Variants in EPSTI1 observed in about 807,000 individuals in gnomAD.
The protein encoded by EPSTI1 is epithelial stromal interaction 1, also known as epithelial-stromal interaction protein 1.
EPSTI1 carries 66 observed loss-of-function variants against 49.9 expected under a neutral mutation model. That is an observed-to-expected ratio of 1.32 (90% CI 1.08 to 1.62). The LOEUF (loss-of-function observed/expected upper bound fraction) is 1.62. Ranked by LOEUF, EPSTI1 falls within the 40% of genes most tolerant of loss-of-function variation. The pLI, the probability that EPSTI1 is intolerant of heterozygous loss-of-function variation, is 0.00. For synonymous variants in EPSTI1, 137 were observed against 130.7 expected, an observed-to-expected ratio of 1.05 and a Z score of -0.33; for missense variants, 394 against 365.5, an observed-to-expected ratio of 1.08 and a Z score of -0.64.
chr13:42,982,331 G>C (rs1453214216), intron 1 of EPSTI1, among the ~76,000 whole-genome samples: 1 of 152,132 alleles, frequency 6.6e-6, no homozygotes, highest in Non-Finnish European at 1.5e-5. Context: ...TCTAAAGAGG[G>C]GAAGCATGAA....
Position 42,926,419 on chromosome 13 carries a change from C to G in EPSTI1, c.574G>C (p.Glu192Gln), listed in dbSNP as rs2038180260. ...TCTGTGTTCAGTTTGCTCAAGAACT[C>G]AGCGGTTTTGCTACCAGAAACACAA... The part of the protein sequence containing the change: ...FREHQQYKTA[E>Q]FLSKLNTESP... The change falls in exon 7 of 11, where the codon GAG becomes CAG. Residue 192 changes from glutamate (E) to glutamine (Q), a missense_variant. Coordinates refer to ENST00000313624, the MANE Select transcript of EPSTI1 (RefSeq NM_033255.5). 1.2e-6 allele frequency: 2 copies of G among 1,611,836 alleles called. No individual in the cohort carries two copies. Among genetic ancestry groups the G allele is most frequent in the Non-Finnish European group, 1.7e-6 (2 of 1,177,874 alleles).
At chr13:42,904,854 T>G (rs2037454509) in intron 8 of EPSTI1, among the ~76,000 whole-genome samples, 1 of 152,186 alleles carries the variant, frequency 6.6e-6, no homozygotes, top group Non-Finnish European at 1.5e-5. Flanking sequence ...CTGATGTGTA[T>G]CCAAAACATT....
chr13:42,981,667 T>C (rs11618401), intron 1 of EPSTI1, among the ~76,000 whole-genome samples: 58,227 of 152,122 alleles, frequency 0.38, 12,419 homozygotes, highest in Non-Finnish European at 0.48. Context: ...CAAACCAAAA[T>C]GTTTTTTTCT....
At chr13:42,901,966 G>A (rs1411133262) in intron 8 of EPSTI1, among the ~76,000 whole-genome samples, 1 of 134,356 alleles carries the variant, frequency 7.4e-6, no homozygotes, top group Admixed American at 9.0e-5. Context: ...CCCTTCCTGT[G>A]TCCATGTGTT....
chr13:42,958,094 G>A (rs1471013668), intron 5 of EPSTI1, among the ~76,000 whole-genome samples: 7 of 152,146 alleles, frequency 4.6e-5, no homozygotes, highest in African/African-American at 1.4e-4. Context: ...TAAGAACACC[G>A]TTGGTGATCT....
chr13:42,918,188 G>A (rs932707387), intron 7 of EPSTI1, among the ~76,000 whole-genome samples: 2 of 152,236 alleles, frequency 1.3e-5, no homozygotes, highest in African/African-American at 4.8e-5. Context: ...GCCTATTCAG[G>A]AACACATGAC....
intron 8 of EPSTI1, among the ~76,000 whole-genome samples, chr13:42,906,644 G>T (rs1226812871): frequency 6.6e-6 from 1 of 152,126 alleles, no homozygotes; most frequent in African/African-American, 2.4e-5. Flanking sequence ...AAGAAGTCCT[G>T]GTTCTCCGGC....
chr13:42,922,435 A>G lies in EPSTI1; in HGVS notation c.657+3901T>C, dbSNP rs1382920356. Among the ~76,000 whole-genome samples, 2 of 152,178 alleles carry G rather than the reference A, an allele frequency of 1.3e-5. No individual in the cohort carries two copies. The highest frequency in any genetic ancestry group is 2.4e-5 in the African/African-American group (1 of 41,428). ...GGGAGGGTGCAGAAGGTTGGGTGAGATGGAAGCTAAACTGGAGCCATGCAG... is the reference window on the plus strand; with the variant it reads ...GGGAGGGTGCAGAAGGTTGGGTGAGGTGGAAGCTAAACTGGAGCCATGCAG... On this transcript the variant is annotated intron_variant, in intron 7 of 10. Transcript: ENST00000313624. This position sits in a 1 kb window ranked among gnomAD's most constrained non-coding sequence, Gnocchi z 4.8.
In EPSTI1 at chr13:42,979,222, TA is replaced by T. The variant is rs1391882227; in HGVS notation, c.189-8553del. ...GTTCCAAAAGAGAAAAGGAAAAAAA[TA>T]ACAATAGGCACAATGAGCTTTAGAA... On this transcript the variant is annotated intron_variant, in intron 1 of 10. Transcript: ENST00000313624. Among the ~76,000 whole-genome samples, 3 of 152,186 alleles carry T rather than the reference TA, an allele frequency of 2.0e-5. No homozygotes were observed. In the East Asian group the frequency reaches 5.8e-4, roughly 29 times the overall value.
intron 6 of EPSTI1, among the ~76,000 whole-genome samples, chr13:42,937,186 A>C (rs2038593942): frequency 6.6e-6 from 1 of 151,374 alleles, no homozygotes; most frequent in Non-Finnish European, 1.5e-5. Flanking sequence ...ATGTCTTGAA[A>C]AATGTACACT....
chr13:42,899,244 A>T (rs1462995310), intron 9 of EPSTI1, among the ~76,000 whole-genome samples: 1 of 152,020 alleles, frequency 6.6e-6, no homozygotes, highest in Non-Finnish European at 1.5e-5. Context: ...CAGCAATAAA[A>T]TGGCTAAATT....
At chr13:42,958,923 A>T (rs2039359064) in intron 5 of EPSTI1, among the ~76,000 whole-genome samples, 1 of 152,240 alleles carries the variant, frequency 6.6e-6, no homozygotes, top group Non-Finnish European at 1.5e-5. Flanking sequence ...ATGTGGGTTT[A>T]GTAGAAATGA....
intron 6 of EPSTI1, among the ~76,000 whole-genome samples, chr13:42,951,089 G>A (rs911516693): frequency 4.6e-5 from 7 of 152,028 alleles, no homozygotes; most frequent in Admixed American, 1.3e-4. Context: ...CCCAGGAGGC[G>A]GAGGTTACAG....
At chr13:42,898,652 T>C (rs1045419507) in intron 9 of EPSTI1, among the ~76,000 whole-genome samples, 4 of 95,934 alleles carry the variant, frequency 4.2e-5, no homozygotes, top group African/African-American at 1.4e-4. Flanking sequence ...AAATAAAGAA[T>C]GAAAGCCAAG....
In EPSTI1 at chr13:42,923,733, T is replaced by C. The variant is rs137955185; in HGVS notation, c.657+2603A>G. ...TTAATCCACATGTAAAAGTGAACCC[T>C]GTAAATATCTCTTGTCTGAAGTCCT... On this transcript the variant is annotated intron_variant, in intron 7 of 10. Coordinates refer to ENST00000313624, the MANE Select transcript of EPSTI1 (RefSeq NM_033255.5). Among the ~76,000 whole-genome samples the C allele has an allele frequency of 3.5e-3, 528 of 152,360 alleles. 4 individuals are homozygous for C. The highest frequency in any genetic ancestry group is 0.012 in the African/African-American group (490 of 41,584).
In EPSTI1 at chr13:42,989,567, C is replaced by CTTTTTTT; in HGVS notation, c.188+2404_188+2410dup. Among the ~76,000 whole-genome samples, 65 of 78,992 alleles carry CTTTTTTT rather than the reference C, an allele frequency of 8.2e-4. 2 individuals carry two copies. The highest frequency in any genetic ancestry group is 5.2e-4 in the Non-Finnish European group (21 of 40,244). The allele number at this position is 78,992 out of a possible 152,430, so 51.8% of individuals were successfully genotyped here. ...ATTAAAGCACTTTATCCTCTTTTTT[C>CTTTTTTT]TTTTTTTTTTTTTTTTGCTTTTTGT... On this transcript the variant is annotated intron_variant, in intron 1 of 10. Coordinates refer to ENST00000313624, the MANE Select transcript of EPSTI1 (RefSeq NM_033255.5).
In EPSTI1 at chr13:42,922,794, A is replaced by G. The variant is rs1179848705; in HGVS notation, c.657+3542T>C. Among the ~76,000 whole-genome samples the G allele has an allele frequency of 6.6e-6, 1 of 152,206 alleles. No individual in the cohort carries two copies. On this transcript the variant is annotated intron_variant, in intron 7 of 10. Transcript: ENST00000313624. This position sits in a 1 kb window ranked among gnomAD's most constrained non-coding sequence, Gnocchi z 4.8. ...TAATCAACCTGCACTGAGTGCTCAC[A>G]GTAGTGTGAGAGAGGAGAGCTGGAG...
At chr13:42,923,103 T>C (rs1486091818) in intron 7 of EPSTI1, among the ~76,000 whole-genome samples, 2 of 152,004 alleles carry the variant, frequency 1.3e-5, no homozygotes, top group African/African-American at 4.8e-5. Context: ...AGAGACAGAA[T>C]CTAGAATTAA....
intron 3 of EPSTI1, among the ~76,000 whole-genome samples, chr13:42,967,873 T>C (rs1378227193): frequency 2.6e-5 from 4 of 152,110 alleles, no homozygotes; most frequent in African/African-American, 9.7e-5. Flanking sequence ...AACAGAGCCA[T>C]GAATAGAGAA....
Sources: gnomAD v4.1 joint callset for allele counts (sites outside exome capture counted in the v4.1 genomes callset) on GRCh38, gnomAD v4.1.1 for gene constraint, Gnocchi (gnomAD v3.1) non-coding constraint, MANE v1.5 for transcripts, NCBI Gene and HGNC (gene_info 2026-07-23, HGNC 2026-07-21) for gene names.